PIGF: variants seen among roughly 807,000 people sequenced by gnomAD.
The protein encoded by PIGF is phosphatidylinositol glycan anchor biosynthesis class F, also known as GPI ethanolamine phosphate transferase, stabilizing subunit.
Under a neutral mutation model 26.0 loss-of-function variants are expected in PIGF, and 23 were observed. That is an observed-to-expected ratio of 0.88 (90% CI 0.64 to 1.25). The LOEUF is 1.25. Ranked by LOEUF, PIGF falls within the 50% of genes most tolerant of loss-of-function variation. The probability of loss-of-function intolerance (pLI) is 0.00; values close to 1 mark genes in which losing one functional copy is unlikely to be tolerated. For synonymous variants in PIGF, 93 were observed against 92.6 expected (o/e 1.00, Z -0.03); for missense variants, 278 against 249.9 (o/e 1.11, Z -0.76).
intron 4 of PIGF, among the ~76,000 whole-genome samples, chr2:46,600,345 TACTC>T (rs1175936852): frequency 6.6e-6 from 1 of 152,204 alleles, no homozygotes; most frequent in Non-Finnish European, 1.5e-5. Flanking sequence ...CTAGGAATGT[TACTC>T]AAGTAATCTA....
At position 46,607,209 on chromosome 2, in the gene PIGF, C is replaced by T. The variant is rs75145817; in HGVS notation, c.437+5019G>A. 1.3e-3 allele frequency among the ~76,000 whole-genome samples: 193 copies of T among 152,328 alleles called. 5 individuals are homozygous for T. In the East Asian group the frequency reaches 0.017, roughly 13 times the overall value. On this transcript the variant is annotated intron_variant, in intron 4 of 5. Coordinates refer to ENST00000281382, the MANE Select transcript of PIGF (RefSeq NM_002643.4). The stretch of plus-strand genomic sequence containing the variant: ...AGTTTACTACGTGTCATGAGCCACA[C>T]ATACGCACATCTGGTGTTAATTTTC...
intron 4 of PIGF, among the ~76,000 whole-genome samples, chr2:46,607,009 A>T (rs1201115351): frequency 6.6e-6 from 1 of 152,252 alleles, no homozygotes; most frequent in Non-Finnish European, 1.5e-5. Flanking sequence ...GTCACAAAAG[A>T]TCACATAAGA....
intron 4 of PIGF, among the ~76,000 whole-genome samples, chr2:46,609,022 T>A (rs572106791): frequency 6.6e-6 from 1 of 152,252 alleles, no homozygotes; most frequent in African/African-American, 2.4e-5. Flanking sequence ...AGGTGGCCAC[T>A]GACTTCTCCT....
rs1339168930 is a variant in PIGF at position 46,588,297 on chromosome 2, G to C, written c.546+4178C>G. 26 of 1,281,290 alleles carry C rather than the reference G, an allele frequency of 2.0e-5. No homozygotes were observed. In the East Asian group the frequency reaches 5.0e-4, roughly 25 times the overall value. 79.4% of individuals were successfully genotyped at this position (1,281,290 alleles called of 1,614,324 possible). On this transcript the variant is annotated intron_variant, in intron 5 of 5. Coordinates refer to ENST00000281382, the MANE Select transcript of PIGF (RefSeq NM_002643.4). This position sits in a 1 kb window ranked among gnomAD's most constrained non-coding sequence, Gnocchi z 4.1. ...CACTCTACCAACTGAAAGACTGCTG[G>C]GCAGAAAAAATAAAACAACAAACTG...
intron 1 of PIGF, 85 bp from the exon 2 acceptor site, chr2:46,615,270 TAA>T: frequency 1.5e-6 from 1 of 652,430 alleles, no homozygotes; most frequent in Middle Eastern, 3.0e-4. Flanking sequence ...AAATAGGTCA[TAA>T]AGTCAATTTT....
At chr2:46,608,816 T>C (rs1310130829) in intron 4 of PIGF, among the ~76,000 whole-genome samples, 1 of 152,198 alleles carries the variant, frequency 6.6e-6, no homozygotes, top group African/African-American at 2.4e-5. Context: ...GAGCTTAAAA[T>C]ATTCAGTAAA....
chr2:46,588,225 C>T lies in PIGF; in HGVS notation c.546+4250G>A. On this transcript the variant is annotated intron_variant, in intron 5 of 5. Coordinates refer to ENST00000281382, the MANE Select transcript of PIGF (RefSeq NM_002643.4). This position sits in a 1 kb window ranked among gnomAD's most constrained non-coding sequence, Gnocchi z 4.1. ...GAAAATTATGTGAAATCCAAATACC[C>T]TAAATTGGCATAACTAAATACCAGA... 1 of 1,603,778 alleles carries T rather than the reference C, an allele frequency of 6.2e-7. No individual in the cohort carries two copies. Among genetic ancestry groups the T allele is most frequent in the Non-Finnish European group, 8.5e-7 (1 of 1,175,904 alleles).
At chr2:46,591,708 A>C (rs1669726914) in intron 5 of PIGF, 1 of 1,102,560 alleles carries the variant, frequency 9.1e-7, no homozygotes, top group African/African-American at 1.6e-5. Flanking sequence ...ATAAAGATAC[A>C]GTCATCACTG....
chr2:46,604,195 A>G (rs1670146016), intron 4 of PIGF, among the ~76,000 whole-genome samples: 2 of 152,108 alleles, frequency 1.3e-5, no homozygotes, highest in South Asian at 4.1e-4. Context: ...AATGGCTTTT[A>G]TCCAAAAGGC....
chr2:46,595,835 T>G (rs1425684895), intron 4 of PIGF, among the ~76,000 whole-genome samples: 1 of 152,200 alleles, frequency 6.6e-6, no homozygotes, highest in Non-Finnish European at 1.5e-5. Flanking sequence ...GATTTAGGGT[T>G]AGGATTTTAG....
At chr2:46,604,942 C>G (rs1670171687) in intron 4 of PIGF, among the ~76,000 whole-genome samples, 1 of 151,748 alleles carries the variant, frequency 6.6e-6, no homozygotes, top group Non-Finnish European at 1.5e-5. Flanking sequence ...CATTGTGTGT[C>G]TGTATCAAAA....
chr2:46,607,072 G>C (rs1311405839), intron 4 of PIGF, among the ~76,000 whole-genome samples: 3 of 152,186 alleles, frequency 2.0e-5, no homozygotes, highest in African/African-American at 7.2e-5. Context: ...ACAGTAAGTA[G>C]ATTGGTGGTT....
In PIGF at chr2:46,581,208, T is replaced by C. The variant is rs1669355477; in HGVS notation, c.*270A>G. The C allele has an allele frequency of 1.0e-6, 1 of 965,932 alleles. No homozygotes were observed. The highest frequency in any genetic ancestry group is 3.4e-4 in the Middle Eastern group (1 of 2,930). The allele number at this position is 965,932 out of a possible 1,614,324, so 59.8% of individuals were successfully genotyped here. On this transcript the variant is annotated 3_prime_UTR_variant, in exon 6 of 6. Transcript: ENST00000281382. ...AAAACTTGAAAGAAAACAAAACCTG[T>C]CCTCAGAATTCTATAAAGTGTATTA...
At chr2:46,608,497 C>CCTCA in intron 4 of PIGF, among the ~76,000 whole-genome samples, 1 of 152,322 alleles carries the variant, frequency 6.6e-6, no homozygotes, top group Non-Finnish European at 1.5e-5. Context: ...TCACAAATGT[C>CCTCA]CTCAATGGCA....
chr2:46,602,183 T>A (rs912887353), intron 4 of PIGF, among the ~76,000 whole-genome samples: 4 of 151,960 alleles, frequency 2.6e-5, no homozygotes, highest in Non-Finnish European at 5.9e-5. Context: ...TTCTTTATAA[T>A]AGTATTCTTT....
chr2:46,604,845 ATAAC>A (rs1670168797), intron 4 of PIGF, among the ~76,000 whole-genome samples: 1 of 152,034 alleles, frequency 6.6e-6, no homozygotes, highest in African/African-American at 2.4e-5. Flanking sequence ...ACATTTAAAA[ATAAC>A]TAAGAGTATA....
At chr2:46,615,243 A>C (rs1670575288) in intron 1 of PIGF, 58 bp from the exon 2 acceptor site, 1 of 738,012 alleles carries the variant, frequency 1.4e-6, no homozygotes, top group East Asian at 2.5e-5. Context: ...CATTGTCTTA[A>C]ATGTTTTGAC....
At chr2:46,584,697 C>CTTCA (rs1251087719) in intron 5 of PIGF, among the ~76,000 whole-genome samples, 1 of 152,146 alleles carries the variant, frequency 6.6e-6, no homozygotes, top group Non-Finnish European at 1.5e-5. Flanking sequence ...AATGATGGGT[C>CTTCA]AGGCTTTGTA....
At position 46,615,151 on chromosome 2, in the gene PIGF, T is replaced by A. The variant is rs1013130315; in HGVS notation, c.14A>T (p.Asp5Val). 15 of 1,497,474 alleles carry A rather than the reference T, an allele frequency of 1.0e-5. No homozygotes were observed. Among genetic ancestry groups the A allele is most frequent in the Non-Finnish European group, 1.3e-5 (14 of 1,075,408 alleles). The allele number at this position is 1,497,474 out of a possible 1,614,324, so 92.8% of individuals were successfully genotyped here. Residue 5 changes from aspartate (D) to valine (V), a missense_variant, in exon 2 of 6, where the codon GAT (aspartate) becomes GTT (valine). Coordinates refer to ENST00000281382, the MANE Select transcript of PIGF (RefSeq NM_002643.4). The stretch of plus-strand genomic sequence containing the variant: ...ATGGGTATACAGTAGTCTCTTGATA[T>A]CGTTATCTTTCATGGTGTTTTCTTG... MKDN[D>V]IKRLLYTHLL...
Sources: gnomAD v4.1 joint callset for allele counts (sites outside exome capture counted in the v4.1 genomes callset) on GRCh38, gnomAD v4.1.1 for gene constraint, Gnocchi (gnomAD v3.1) non-coding constraint, MANE v1.5 for transcripts, NCBI Gene and HGNC (gene_info 2026-07-23, HGNC 2026-07-21) for gene names.